Variants in CCDC171 observed in about 807,000 individuals in gnomAD.
CCDC171 encodes the protein coiled-coil domain-containing protein 171.
CCDC171 carries 177 observed loss-of-function variants against 168.2 expected under a neutral mutation model. The ratio of observed to expected loss-of-function variants is 1.05; its 90% CI spans 0.93 to 1.19. The LOEUF is 1.19. Ranked by LOEUF, CCDC171 falls within the 50% of genes most tolerant of loss-of-function variation. CCDC171 has a pLI of 0.00. For missense variants in CCDC171, 1,991 were observed against 1,539.0 expected (o/e 1.29, Z -4.91); for synonymous variants, 687 against 540.8 (o/e 1.27, Z -3.75).
chr9:15,760,179 C>A (rs2056365558), intron 18 of CCDC171, among the ~76,000 whole-genome samples: 1 of 152,116 alleles, frequency 6.6e-6, no homozygotes, highest in Admixed American at 6.5e-5. Context: ...ATTGGGATTA[C>A]AAATTAATAG....
intron 19 of CCDC171, among the ~76,000 whole-genome samples, chr9:15,778,541 G>T (rs924111575): frequency 1.3e-5 from 2 of 148,372 alleles, no homozygotes; most frequent in African/African-American, 4.9e-5. Flanking sequence ...AGCTACTCAG[G>T]AGGCTGAGGC....
At chr9:15,647,801 C>T (rs576188749) in intron 7 of CCDC171, among the ~76,000 whole-genome samples, 13 of 152,242 alleles carry the variant, frequency 8.5e-5, no homozygotes, top group African/African-American at 2.9e-4. Flanking sequence ...GATTCACAGC[C>T]GAATTCTGCC....
intron 24 of CCDC171, among the ~76,000 whole-genome samples, chr9:15,891,987 A>T (rs1336532477): frequency 2.0e-5 from 3 of 152,158 alleles, no homozygotes; most frequent in Non-Finnish European, 4.4e-5. Flanking sequence ...ACCTTTCCCC[A>T]ATCCCCCATC....
intron 9 of CCDC171, among the ~76,000 whole-genome samples, chr9:15,677,925 T>TATATATATATATATAAA (rs59883669): frequency 2.4e-5 from 1 of 41,862 alleles, no homozygotes; most frequent in African/African-American, 1.0e-4. Flanking sequence ...TATATATATA[T>TATATATATATATATAAA]AAGAGATGTG....
chr9:15,876,228 C>T (rs1161277309), intron 24 of CCDC171: 1 of 152,016 alleles, frequency 6.6e-6, no homozygotes, highest in Non-Finnish European at 1.5e-5. Flanking sequence ...ATTAGACTCC[C>T]ACCTGGATAA....
intron 13 of CCDC171, among the ~76,000 whole-genome samples, chr9:15,724,052 C>G (rs1215081923): frequency 1.3e-5 from 2 of 152,142 alleles, no homozygotes; most frequent in African/African-American, 4.8e-5. Flanking sequence ...TAGGTACGTA[C>G]TAAACATATT....
chr9:15,788,113 A>G (rs1346125083), intron 21 of CCDC171, among the ~76,000 whole-genome samples: 3 of 152,230 alleles, frequency 2.0e-5, no homozygotes, highest in Non-Finnish European at 4.4e-5. Context: ...TCTCTTAATT[A>G]GAACTAGCAG....
At chr9:15,656,859 G>A (rs1007902048) in intron 7 of CCDC171, among the ~76,000 whole-genome samples, 13 of 152,012 alleles carry the variant, frequency 8.6e-5, no homozygotes, top group Non-Finnish European at 1.9e-4. Context: ...GTGTGTGTGT[G>A]TGTATAAAAA....
At position 15,642,476 on chromosome 9, in the gene CCDC171, A is replaced by G. The variant is rs537463326; in HGVS notation, c.823-14651A>G. 6.0e-5 allele frequency among the ~76,000 whole-genome samples: 9 copies of G among 150,832 alleles called. No homozygotes were observed. In the East Asian group the frequency reaches 1.8e-3, roughly 29 times the overall value. On this transcript the variant is annotated intron_variant, in intron 7 of 25. Transcript: ENST00000380701. ...CTATGAAACAGTTTATGAATGTTAC[A>G]CTAGTTCTCCTAGGTGGTATTGGAA...
Position 15,779,150 on chromosome 9 carries a change from T to G in CCDC171, c.3081T>G (p.Ser1027=). 6.5e-7 allele frequency: 1 copy of G among 1,532,478 alleles called. No homozygotes were observed. Among genetic ancestry groups the G allele is most frequent in the South Asian group, 1.3e-5 (1 of 75,942 alleles). The allele number at this position is 1,532,478 out of a possible 1,614,324, so 94.9% of individuals were successfully genotyped here. Residue 1027 remains serine (S), a splice_region_variant and synonymous_variant, in exon 20 of 26, where the codon TCT becomes TCG. Coordinates refer to ENST00000380701, the MANE Select transcript of CCDC171 (RefSeq NM_173550.4). The part of the protein sequence containing the change: ...LQMQLNEFKQ[S]KLITHEKFES... Reference sequence around the variant, plus strand: ...TGCAATTAAATGAATTTAAGCAGTCTGTAAGTATATATCATTTAGGAAACT... The same window carrying G: ...TGCAATTAAATGAATTTAAGCAGTCGGTAAGTATATATCATTTAGGAAACT...
chr9:15,677,927 A>ATATATATAT (rs1491415268), intron 9 of CCDC171, among the ~76,000 whole-genome samples: 523 of 29,250 alleles, frequency 0.018, 125 homozygotes, highest in African/African-American at 0.022. Context: ...TATATATATA[A>ATATATATAT]GAGATGTGGT....
At chr9:15,778,599 T>C (rs1203682592) in intron 19 of CCDC171, among the ~76,000 whole-genome samples, 1 of 133,010 alleles carries the variant, frequency 7.5e-6, no homozygotes. Flanking sequence ...TGAGACGAGA[T>C]TGTGCCACTG....
intron 6 of CCDC171, among the ~76,000 whole-genome samples, chr9:16,033,393 C>G (rs939921178): frequency 6.6e-6 from 1 of 152,178 alleles, no homozygotes; most frequent in African/African-American, 2.4e-5. Context: ...CACCTCCTAT[C>G]AGAACAGCAG....
At chr9:15,981,249 A>G (rs1018094682) in intron 3 of CCDC171, among the ~76,000 whole-genome samples, 5 of 152,198 alleles carry the variant, frequency 3.3e-5, no homozygotes, top group Admixed American at 3.3e-4. Context: ...AGAGGTCATG[A>G]GAGTCCTCTT....
intron 1 of CCDC171, among the ~76,000 whole-genome samples, chr9:15,559,337 A>G (rs1182305153): frequency 6.6e-6 from 1 of 152,016 alleles, no homozygotes; most frequent in Non-Finnish European, 1.5e-5. Context: ...GTGGGGTTTT[A>G]AAGTCTCCCA....
intron 7 of CCDC171, among the ~76,000 whole-genome samples, chr9:15,626,346 C>T (rs2045103726): frequency 6.6e-6 from 1 of 152,162 alleles, no homozygotes; most frequent in South Asian, 2.1e-4. Flanking sequence ...ACTTCCAACA[C>T]TATGTTGAAT....
chr9:15,754,420 C>T (rs1238015284), intron 18 of CCDC171, among the ~76,000 whole-genome samples: 1 of 152,054 alleles, frequency 6.6e-6, no homozygotes, highest in Non-Finnish European at 1.5e-5. Context: ...ACTTTTTGAG[C>T]ATTGTGTATA....
intron 3 of CCDC171, among the ~76,000 whole-genome samples, chr9:15,991,786 G>T (rs1413390340): frequency 6.6e-6 from 1 of 152,148 alleles, no homozygotes; most frequent in Non-Finnish European, 1.5e-5. Context: ...TACCATCAGA[G>T]AATACTATAA....
At chr9:15,654,735 C>T (rs180853903) in intron 7 of CCDC171, among the ~76,000 whole-genome samples, 84 of 152,222 alleles carry the variant, frequency 5.5e-4, no homozygotes, top group African/African-American at 1.5e-3. Flanking sequence ...ACGCAGAAGA[C>T]GGGTGATTTC....
Sources: allele counts gnomAD v4.1 joint callset (sites outside exome capture counted in the v4.1 genomes callset), GRCh38; gene constraint gnomAD v4.1.1; transcripts MANE v1.5; gene names NCBI Gene and HGNC (gene_info 2026-07-23, HGNC 2026-07-21).